Variants in MRFAP1L1 observed in about 807,000 individuals in gnomAD.
MRFAP1L1 encodes MORF4 family-associated protein 1-like 1.
MRFAP1L1 carries 9 observed loss-of-function variants against 10.6 expected under a neutral mutation model. The ratio of observed to expected loss-of-function variants is 0.85; its 90% CI spans 0.51 to 1.48. The LOEUF (loss-of-function observed/expected upper bound fraction) is 1.48, where lower values mean the gene tolerates loss of function less well. MRFAP1L1 is among the 40% of genes most tolerant of loss of function. MRFAP1L1 has a pLI of 0.00. For missense variants in MRFAP1L1, 177 were observed against 171.4 expected (o/e 1.03, Z -0.18); for synonymous variants, 78 against 70.4 (o/e 1.11, Z -0.54).
chr4:6,708,417 C>T lies in MRFAP1L1; in HGVS notation c.*242G>A, dbSNP rs924987749. 1 of 152,344 alleles carries T rather than the reference C, an allele frequency of 6.6e-6. No individual in the cohort carries two copies. The highest frequency in any genetic ancestry group is 2.1e-4 in the South Asian group (1 of 4,830). The allele number at this position is 152,344 out of a possible 1,614,324, so 9.4% of individuals were successfully genotyped here. A position where few individuals can be genotyped will look rare whatever the true frequency, so the allele number is the denominator to read the frequency against. On this transcript the variant is annotated 3_prime_UTR_variant, in exon 2 of 2. Coordinates refer to ENST00000320848, the MANE Select transcript of MRFAP1L1 (RefSeq NM_203462.3). ...ACCACAAAAACAACTTAATTAAGCC[C>T]CATTTCTCTTCTGAGAGTATTTCTT... is the stretch of plus-strand genomic sequence containing the variant.
At position 6,709,786 on chromosome 4, in the gene MRFAP1L1, A is replaced by G. The variant is rs944866879; in HGVS notation, c.-157T>C. On this transcript the variant is annotated 5_prime_UTR_variant, in exon 1 of 2. Transcript: ENST00000320848. ...TCTTTATTTTTTTTTCTTCCTTTTA[A>G]TTGTAAGCCTTTCGCTTCACAACTC... The G allele has an allele frequency of 4.9e-6, 5 of 1,022,984 alleles. No homozygotes were observed. The highest frequency in any genetic ancestry group is 2.9e-5 in the Admixed American group (1 of 34,272). 63.4% of individuals were successfully genotyped at this position (1,022,984 alleles called of 1,614,324 possible). A position where few individuals can be genotyped will look rare whatever the true frequency, so the allele number is the denominator to read the frequency against.
rs1714734983 is a variant in MRFAP1L1, at chr4:6,709,774, T to C, written c.-145A>G. 1 of 1,136,558 alleles carries C rather than the reference T, an allele frequency of 8.8e-7. No homozygotes were observed. The highest frequency in any genetic ancestry group is 2.9e-4 in the Middle Eastern group (1 of 3,446). 70.4% of individuals were successfully genotyped at this position (1,136,558 alleles called of 1,614,324 possible). A position where few individuals can be genotyped will look rare whatever the true frequency, so the allele number is the denominator to read the frequency against. On this transcript the variant is annotated 5_prime_UTR_variant, in exon 1 of 2. Coordinates refer to ENST00000320848, the MANE Select transcript of MRFAP1L1 (RefSeq NM_203462.3). ...ACTCCCGAATTATCTTTATTTTTTT[T>C]TCTTCCTTTTAATTGTAAGCCTTTC...
In MRFAP1L1 at chr4:6,709,183, G is replaced by A. The variant is rs1443468414; in HGVS notation, c.*15+48C>T. 4 of 1,580,472 alleles carry A rather than the reference G, an allele frequency of 2.5e-6. No homozygotes were observed. The South Asian group carries it at 3.5e-5, about 14-fold the overall frequency. ...ACAGGGCGCGGTTTAACCATGCTTA[G>A]GGCGACTACTGAGTTTCATCCAAGC... is the stretch of plus-strand genomic sequence containing the variant. On this transcript the variant is annotated intron_variant, in intron 1 of 1. Coordinates refer to ENST00000320848, the MANE Select transcript of MRFAP1L1 (RefSeq NM_203462.3).
chr4:6,708,345 C>G lies in MRFAP1L1; in HGVS notation c.*314G>C, dbSNP rs951703421. 6.6e-6 allele frequency: 1 copy of G among 152,356 alleles called. No homozygotes were observed. Among genetic ancestry groups the G allele is most frequent in the Admixed American group, 6.5e-5 (1 of 15,278 alleles). The allele number at this position is 152,356 out of a possible 1,614,324, so 9.4% of individuals were successfully genotyped here. A position where few individuals can be genotyped will look rare whatever the true frequency, so the allele number is the denominator to read the frequency against. ...CAAAGGTAACAGCAAAATACGAGGC[C>G]ATGCCCAACATTTCAAAAACACAGC... On this transcript the variant is annotated 3_prime_UTR_variant, in exon 2 of 2. Coordinates refer to ENST00000320848, the MANE Select transcript of MRFAP1L1 (RefSeq NM_203462.3).
At chr4:6,709,209 T>TC in intron 1 of MRFAP1L1, 22 bp downstream of exon 1, 1 of 1,603,278 alleles carries the variant, frequency 6.2e-7, no homozygotes, top group Non-Finnish European at 8.5e-7. Flanking sequence ...TCATCCAAGC[T>TC]CCAGCTAGTT....
In MRFAP1L1 at chr4:6,709,814, C is replaced by CGGGAAGAATCGCCGTGGAT; in HGVS notation, c.-204_-186dup. 1 of 817,400 alleles carries CGGGAAGAATCGCCGTGGAT rather than the reference C, an allele frequency of 1.2e-6. No individual in the cohort carries two copies. Among genetic ancestry groups the CGGGAAGAATCGCCGTGGAT allele is most frequent in the Non-Finnish European group, 1.9e-6 (1 of 530,806 alleles). The allele number at this position is 817,400 out of a possible 1,614,324, so 50.6% of individuals were successfully genotyped here. ...GTAAGCCTTTCGCTTCACAACTCTG[C>CGGGAAGAATCGCCGTGGAT]GGGAAGAATCGCCGTGGATGCACAC... is the stretch of plus-strand genomic sequence containing the variant. On this transcript the variant is annotated 5_prime_UTR_variant, in exon 1 of 2. Coordinates refer to ENST00000320848, the MANE Select transcript of MRFAP1L1 (RefSeq NM_203462.3).
chr4:6,709,510 C>T lies in MRFAP1L1; in HGVS notation c.120G>A (p.Ala40=). Residue 40 remains alanine, a synonymous_variant, in exon 1 of 2, where the codon GCG becomes GCA. Coordinates refer to ENST00000320848, the MANE Select transcript of MRFAP1L1 (RefSeq NM_203462.3). ...CCCGCCCGTGCTCGCGTATAAGAGA[C>T]GCGATGTCCTCGCGCATCTCGTTGA... ...PVINEMREDI[A]SLIREHGRAY... The T allele has an allele frequency of 3.1e-6, 5 of 1,614,282 alleles. No homozygotes were observed. Among genetic ancestry groups the T allele is most frequent in the South Asian group, 1.1e-5 (1 of 91,092 alleles).
At position 6,709,430 on chromosome 4, in the gene MRFAP1L1, A is replaced by G; in HGVS notation, c.200T>C (p.Ile67Thr). The G allele has an allele frequency of 6.2e-7, 1 of 1,614,132 alleles. No homozygotes were observed. Among genetic ancestry groups the G allele is most frequent in the East Asian group, 2.2e-5 (1 of 44,876 alleles). ...LWEMDNMLIQ[I>T]KTQVEASEES... ...CTCCGAGGCCTCCACCTGCGTTTTG[A>G]TCTGGATAAGCATATTGTCCATCTC... is the stretch of plus-strand genomic sequence containing the variant. Residue 67 changes from isoleucine to threonine, a missense_variant, in exon 1 of 2, where the codon ATC becomes ACC. Coordinates refer to ENST00000320848, the MANE Select transcript of MRFAP1L1 (RefSeq NM_203462.3).
chr4:6,708,679 A>G (rs1301732739), intron 1 of MRFAP1L1, 36 bp from the exon 2 acceptor site: 1 of 154,016 alleles, frequency 6.5e-6, no homozygotes, highest in East Asian at 1.9e-4. Context: ...CCATGAAGAC[A>G]TTGACTCTCA....
chr4:6,709,850 C>T lies in MRFAP1L1; in HGVS notation c.-221G>A. 2 of 638,700 alleles carry T rather than the reference C, an allele frequency of 3.1e-6. No individual in the cohort carries two copies. The highest frequency in any genetic ancestry group is 2.4e-5 in the South Asian group (1 of 41,340). 39.6% of individuals were successfully genotyped at this position (638,700 alleles called of 1,614,324 possible). On this transcript the variant is annotated 5_prime_UTR_variant, in exon 1 of 2. Transcript: ENST00000320848. ...GCCGTGGATGCACACAAATAAGCGG[C>T]CTACAAAATGGAGTCGCAGCCGTCA...
rs987051915 is a variant in MRFAP1L1 at position 6,707,850 on chromosome 4, G to T, written c.*809C>A. On this transcript the variant is annotated 3_prime_UTR_variant, in exon 2 of 2. Transcript: ENST00000320848. ...TTTGACTTTGACCTCCAATCTGACA[G>T]GTCTACTACCCTGATGAACTGGAAG... is the stretch of plus-strand genomic sequence containing the variant. 1 of 152,422 alleles carries T rather than the reference G, an allele frequency of 6.6e-6. No homozygotes were observed. Among genetic ancestry groups the T allele is most frequent in the Non-Finnish European group, 1.5e-5 (1 of 68,028 alleles). The allele number at this position is 152,422 out of a possible 1,614,324, so 9.4% of individuals were successfully genotyped here.
At chr4:6,708,981 G>C in intron 1 of MRFAP1L1, 1 of 491,176 alleles carries the variant, frequency 2.0e-6, no homozygotes, top group Non-Finnish European at 3.7e-6. Context: ...AAACAAAACC[G>C]AAGTTACTGT....
Position 6,709,767 on chromosome 4 carries a change from T to C in MRFAP1L1, c.-138A>G. 9.0e-7 allele frequency: 1 copy of C among 1,116,384 alleles called. No homozygotes were observed. The highest frequency in any genetic ancestry group is 1.3e-6 in the Non-Finnish European group (1 of 798,772). The allele number at this position is 1,116,384 out of a possible 1,614,324, so 69.2% of individuals were successfully genotyped here. On this transcript the variant is annotated 5_prime_UTR_variant, in exon 1 of 2. Coordinates refer to ENST00000320848, the MANE Select transcript of MRFAP1L1 (RefSeq NM_203462.3). ...CAATTGTACTCCCGAATTATCTTTA[T>C]TTTTTTTTCTTCCTTTTAATTGTAA... is the stretch of plus-strand genomic sequence containing the variant.
chr4:6,709,019 G>A (rs1197829938), intron 1 of MRFAP1L1: 2 of 578,508 alleles, frequency 3.5e-6, no homozygotes, highest in Non-Finnish European at 3.1e-6. Context: ...CAGCGTGGGA[G>A]GGAGAGGCCA....
rs1053780953 is a variant in MRFAP1L1 at position 6,709,745 on chromosome 4, T to C, written c.-116A>G. 1.5e-5 allele frequency: 20 copies of C among 1,299,572 alleles called. No homozygotes were observed. The African/African-American group carries it at 2.1e-4, about 14-fold the overall frequency. The allele number at this position is 1,299,572 out of a possible 1,614,324, so 80.5% of individuals were successfully genotyped here. ...CTGAGCGACCCACACGCTTTGTCAA[T>C]TGTACTCCCGAATTATCTTTATTTT... On this transcript the variant is annotated 5_prime_UTR_variant, in exon 1 of 2. Coordinates refer to ENST00000320848, the MANE Select transcript of MRFAP1L1 (RefSeq NM_203462.3).
At position 6,709,388 on chromosome 4, in the gene MRFAP1L1, T is replaced by C. The variant is rs770973000; in HGVS notation, c.242A>G (p.His81Arg). 1 of 1,614,278 alleles carries C rather than the reference T, an allele frequency of 6.2e-7. No individual in the cohort carries two copies. Residue 81 changes from histidine (H) to arginine (R), a missense_variant, in exon 1 of 2, where the codon CAC becomes CGC. Physicochemically the swap from His to Arg is conservative, Grantham distance 29 (BLOSUM62 0). Coordinates refer to ENST00000320848, the MANE Select transcript of MRFAP1L1 (RefSeq NM_203462.3). ...GGCTTCGCCACTCGGGTGCTGCACG[T>C]GATTGAGGGCGCTCTCCTCCGAGGC... The part of the protein sequence containing the change: ...VEASEESALN[H>R]VQHPSGEADE...
chr4:6,709,447 G>A lies in MRFAP1L1; in HGVS notation c.183C>T (p.Asp61=), dbSNP rs1474044941. 1 of 1,614,264 alleles carries A rather than the reference G, an allele frequency of 6.2e-7. No individual in the cohort carries two copies. Among genetic ancestry groups the A allele is most frequent in the South Asian group, 1.1e-5 (1 of 91,088 alleles). ...LRTRSKLWEM[D]NMLIQIKTQV... ...GCGTTTTGATCTGGATAAGCATATT[G>A]TCCATCTCCCACAGCTTGCTCCTGG... is the stretch of plus-strand genomic sequence containing the variant. The change falls in exon 1 of 2, where the codon GAC becomes GAT. Residue 61 remains aspartate, a synonymous_variant. Coordinates refer to ENST00000320848, the MANE Select transcript of MRFAP1L1 (RefSeq NM_203462.3).
In MRFAP1L1 at chr4:6,709,524, G is replaced by A; in HGVS notation, c.106C>T (p.Arg36Cys). 1 of 1,614,270 alleles carries A rather than the reference G, an allele frequency of 6.2e-7. No individual in the cohort carries two copies. Among genetic ancestry groups the A allele is most frequent in the Non-Finnish European group, 8.5e-7 (1 of 1,180,050 alleles). ...CGTATAAGAGACGCGATGTCCTCGC[G>A]CATCTCGTTGATGACCGGGAGCAGG... ...QFLLPVINEM[R>C]EDIASLIREH... Residue 36 changes from arginine to cysteine, a missense_variant, in exon 1 of 2, where the codon CGC (arginine) becomes TGC (cysteine). By Grantham distance (180) the Arg-to-Cys change is radical. Coordinates refer to ENST00000320848, the MANE Select transcript of MRFAP1L1 (RefSeq NM_203462.3).
In MRFAP1L1 at chr4:6,709,127, T is replaced by C. The variant is rs1714693133; in HGVS notation, c.*15+104A>G. ...ATGCTCAATTTTTGATGCAATAAAA[T>C]GGGGGATGCAGGCCTAGAACATAAC... On this transcript the variant is annotated intron_variant, in intron 1 of 1. Transcript: ENST00000320848. 3.4e-5 allele frequency: 42 copies of C among 1,237,172 alleles called. No homozygotes were observed. In the South Asian group the frequency reaches 5.9e-4, roughly 18 times the overall value. The allele number at this position is 1,237,172 out of a possible 1,614,324, so 76.6% of individuals were successfully genotyped here. A position where few individuals can be genotyped will look rare whatever the true frequency, so the allele number is the denominator to read the frequency against.
Sources: allele counts gnomAD v4.1 joint callset, GRCh38; gene constraint gnomAD v4.1.1; transcripts MANE v1.5; gene names NCBI Gene and HGNC (gene_info 2026-07-23, HGNC 2026-07-21).